The following INPP5D variants were observed in gnomAD, a reference collection of about 807,000 sequenced individuals.
The protein encoded by INPP5D is inositol polyphosphate-5-phosphatase D.
INPP5D carries 33 observed loss-of-function variants against 122.9 expected under a neutral mutation model. That is an observed-to-expected ratio of 0.27 (90% confidence interval 0.20 to 0.36). The LOEUF (loss-of-function observed/expected upper bound fraction) is 0.36, where lower values mean the gene tolerates loss of function less well. INPP5D is among the 10% of genes least tolerant of loss of function. The pLI, the probability that INPP5D is intolerant of heterozygous loss-of-function variation, is 1.00. For missense variants in INPP5D, 1,053 were observed against 1,412.7 expected (o/e 0.75, Z 4.08); for synonymous variants, 584 against 576.2 (o/e 1.01, Z -0.19).
chr2:233,205,066 T>A (rs1011522475), intron 26 of INPP5D: 2 of 254,004 alleles, frequency 7.9e-6, no homozygotes, highest in Middle Eastern at 1.1e-3. Context: ...CCTAAATCAT[T>A]TATATCTCAT....
At chr2:233,116,874 C>G (rs553647771) in intron 2 of INPP5D, among the ~76,000 whole-genome samples, 33 of 152,320 alleles carry the variant, frequency 2.2e-4, no homozygotes, top group Middle Eastern at 6.8e-3. Context: ...GGATTACAGG[C>G]GTGAGCCACC....
rs149738275 is a variant in INPP5D, at chr2:233,206,580, G to A, written c.3568-126G>A. ...TAAAGTACTTAGAGCAGTGAGTGCT[G>A]GCTCTTCTCAGCTACACGTTAAAGG... is the stretch of plus-strand genomic sequence containing the variant. On this transcript the variant is annotated intron_variant, in intron 26 of 26. Coordinates refer to ENST00000445964, the MANE Select transcript of INPP5D (RefSeq NM_001017915.3). The surrounding 1 kb of genome is among the most constrained non-coding windows in gnomAD (Gnocchi z 4.0). The A allele has an allele frequency of 4.6e-6, 3 of 652,390 alleles. No individual in the cohort carries two copies. In the African/African-American group the frequency reaches 5.5e-5, roughly 12 times the overall value. 40.4% of individuals were successfully genotyped at this position (652,390 alleles called of 1,614,324 possible).
intron 1 of INPP5D, among the ~76,000 whole-genome samples, chr2:233,072,795 G>GA (rs1691415080): frequency 2.0e-5 from 3 of 152,094 alleles, no homozygotes; most frequent in African/African-American, 7.2e-5. Flanking sequence ...CTCTTTTATT[G>GA]TGGCTGTCTT....
In INPP5D at chr2:233,170,071, C is replaced by A. The variant is rs370734839; in HGVS notation, c.1698C>A (p.Gly566=). The change falls in exon 15 of 27, where the codon GGC becomes GGA. Residue 566 remains glycine, a synonymous_variant. Transcript: ENST00000445964. This position sits in a 1 kb window ranked among gnomAD's most constrained non-coding sequence, Gnocchi z 4.5. ...ACATTCTCCGGTTCCTGGCCCTGGG[C>A]GACAAGAAGCTGAGTCCCTTTAACA... The part of the protein sequence containing the change: ...YMNILRFLAL[G]DKKLSPFNIT... 6.2e-7 allele frequency: 1 copy of A among 1,614,034 alleles called. No individual in the cohort carries two copies. Among genetic ancestry groups the A allele is most frequent in the East Asian group, 2.2e-5 (1 of 44,886 alleles).
chr2:233,132,885 A>ATTT (rs35276718), intron 5 of INPP5D, among the ~76,000 whole-genome samples: 25 of 117,978 alleles, frequency 2.1e-4, no homozygotes, highest in South Asian at 2.9e-4. Context: ...ATGAACAAGA[A>ATTT]TTTTTTTTTT....
In INPP5D at chr2:233,160,748, C is replaced by T. The variant is rs1240802494; in HGVS notation, c.1138-976C>T. ...TTCTGGCCTCAAGTAATCCTCCCAC[C>T]TCAACCTCCTAAGTTGGGAGGGACT... On this transcript the variant is annotated intron_variant, in intron 10 of 26. Coordinates refer to ENST00000445964, the MANE Select transcript of INPP5D (RefSeq NM_001017915.3). The surrounding 1 kb of genome is among the most constrained non-coding windows in gnomAD (Gnocchi z 4.2). 6.6e-6 allele frequency among the ~76,000 whole-genome samples: 1 copy of T among 152,138 alleles called. No individual in the cohort carries two copies. Among genetic ancestry groups the T allele is most frequent in the Admixed American group, 6.5e-5 (1 of 15,276 alleles).
At chr2:233,150,192 C>A (rs1693886802) in intron 9 of INPP5D, among the ~76,000 whole-genome samples, 1 of 152,140 alleles carries the variant, frequency 6.6e-6, no homozygotes, top group African/African-American at 2.4e-5. Context: ...TCCCATAATC[C>A]CCACTTGTCA....
At chr2:233,120,495 A>C (rs1400166797) in intron 2 of INPP5D, 3 of 152,306 alleles carry the variant, frequency 2.0e-5, no homozygotes, top group African/African-American at 7.2e-5. Flanking sequence ...AATAAAATAA[A>C]ATAAACAATC....
At position 233,170,445 on chromosome 2, in the gene INPP5D, C is replaced by A. The variant is rs1694464030; in HGVS notation, c.1792-51C>A. The A allele has an allele frequency of 3.1e-6, 5 of 1,611,178 alleles. No homozygotes were observed. The African/African-American group carries it at 5.3e-5, about 17-fold the overall frequency. ...GCCCCCAGCCCCGAAGCTTGTCAGG[C>A]CTGGATCAGCAGGGCTTCTCACCAG... On this transcript the variant is annotated intron_variant, in intron 15 of 26. Coordinates refer to ENST00000445964, the MANE Select transcript of INPP5D (RefSeq NM_001017915.3). The surrounding 1 kb of genome is among the most constrained non-coding windows in gnomAD (Gnocchi z 4.5).
Position 233,165,421 on chromosome 2 carries a change from C to T in INPP5D, c.1555+997C>T, listed in dbSNP as rs145320734. On this transcript the variant is annotated intron_variant, in intron 13 of 26. Transcript: ENST00000445964. ...TTATGTGAGTCTACATATGTGAGTCCGTGTGTGAGTGTACCACCCCGTATC... is the reference window on the plus strand; with the variant it reads ...TTATGTGAGTCTACATATGTGAGTCTGTGTGTGAGTGTACCACCCCGTATC... Among the ~76,000 whole-genome samples the T allele has an allele frequency of 1.3e-3, 193 of 149,654 alleles. 3 individuals are homozygous for T. The East Asian group carries it at 0.035, about 27-fold the overall frequency.
chr2:233,104,222 G>T (rs1400388005), intron 2 of INPP5D, among the ~76,000 whole-genome samples: 1 of 152,034 alleles, frequency 6.6e-6, no homozygotes, highest in African/African-American at 2.4e-5. Flanking sequence ...TGTTGGCCAG[G>T]CTGGTCTTGA....
At chr2:233,142,578 G>A (rs1207409945) in intron 6 of INPP5D, among the ~76,000 whole-genome samples, 2 of 152,196 alleles carry the variant, frequency 1.3e-5, no homozygotes, top group Non-Finnish European at 2.9e-5. Context: ...CTTGAGGACT[G>A]CTGGGAAGTG....
In INPP5D at chr2:233,066,294, C is replaced by A. The variant is rs1050458832; in HGVS notation, c.134+5682C>A. Among the ~76,000 whole-genome samples the A allele has an allele frequency of 2.6e-5, 4 of 152,232 alleles. No individual in the cohort carries two copies. The East Asian group carries it at 7.7e-4, about 29-fold the overall frequency. ...TCAATCAATTGGTGCCATCTCCCTG[C>A]ACATGAACCCTTGCGTCATGATGAC... On this transcript the variant is annotated intron_variant, in intron 1 of 26. Transcript: ENST00000445964.
chr2:233,146,123 C>T (rs1693752430), intron 6 of INPP5D, 39 bp from the exon 7 acceptor site: 1 of 704,042 alleles, frequency 1.4e-6, no homozygotes, highest in South Asian at 1.5e-5. Context: ...GGTTCAGGTT[C>T]AGTGATGCTG....
intron 2 of INPP5D, among the ~76,000 whole-genome samples, chr2:233,109,571 TTC>T (rs1279077084): frequency 1.3e-5 from 2 of 152,140 alleles, no homozygotes; most frequent in Non-Finnish European, 2.9e-5. Context: ...GTTTTTTTCT[TTC>T]TTTTTTATTT....
intron 6 of INPP5D, chr2:233,140,822 C>A (rs940413206): frequency 1.3e-5 from 2 of 152,200 alleles, no homozygotes; most frequent in Admixed American, 6.5e-5. Flanking sequence ...GTGGGAGCCA[C>A]CATGCCTGGC....
intron 9 of INPP5D, among the ~76,000 whole-genome samples, chr2:233,155,255 G>T (rs1694018958): frequency 6.6e-6 from 1 of 152,114 alleles, no homozygotes; most frequent in Admixed American, 6.5e-5. Context: ...ATACAGTTTA[G>T]AAAAGCTCCG....
chr2:233,070,627 G>C (rs57387839), intron 1 of INPP5D, among the ~76,000 whole-genome samples: 2 of 151,934 alleles, frequency 1.3e-5, no homozygotes, highest in East Asian at 3.9e-4. Context: ...TTTTTTAGTA[G>C]AGACGGGGTC....
intron 10 of INPP5D, among the ~76,000 whole-genome samples, chr2:233,159,800 G>A (rs578184141): frequency 5.9e-5 from 9 of 151,958 alleles, no homozygotes; most frequent in East Asian, 1.9e-4. Context: ...AGGGACAAGC[G>A]CTTCTGGTGC....
Sources: gnomAD v4.1 joint callset for allele counts (sites outside exome capture counted in the v4.1 genomes callset) on GRCh38, gnomAD v4.1.1 for gene constraint, Gnocchi (gnomAD v3.1) non-coding constraint, MANE v1.5 for transcripts, NCBI Gene and HGNC (gene_info 2026-07-23, HGNC 2026-07-21) for gene names.